Variants in DTNA observed in about 807,000 individuals in gnomAD.
DTNA encodes the protein dystrobrevin alpha, also known as dystrophin-related protein 3.
DTNA carries 43 observed loss-of-function variants against 100.7 expected under a neutral mutation model. The observed-to-expected ratio is 0.43, with a 90% CI of 0.33 to 0.55. The LOEUF (loss-of-function observed/expected upper bound fraction) is 0.55, where lower values mean the gene tolerates loss of function less well. DTNA is among the 20% of genes least tolerant of loss of function. The pLI is 0.04. For synonymous variants in DTNA, 349 were observed against 347.9 expected (o/e 1.00, Z -0.04); for missense variants, 798 against 953.9 (o/e 0.84, Z 2.15).
intron 9 of DTNA, among the ~76,000 whole-genome samples, chr18:34,827,098 A>G (rs1038603938): frequency 6.6e-6 from 1 of 152,166 alleles, no homozygotes; most frequent in Admixed American, 6.6e-5. Flanking sequence ...AAAGGCAAAT[A>G]AGGTATGATA....
Position 34,838,053 on chromosome 18 carries a change from C to T in DTNA, c.1176-41C>T, listed in dbSNP as rs183008891. On this transcript the variant is annotated intron_variant, in intron 11 of 22. Transcript: ENST00000444659. ...CAGTTTCTATTCTTGAATGCATTGC[C>T]GTGTTTACGCTCTTCTTGGCTTTCC... The T allele has an allele frequency of 1.1e-5, 17 of 1,586,980 alleles. No individual in the cohort carries two copies. The East Asian group carries it at 2.0e-4, about 19-fold the overall frequency.
In DTNA at chr18:34,666,898, G is replaced by A. The variant is rs946288364; in HGVS notation, c.-1-89078G>A. The stretch of plus-strand genomic sequence containing the variant: ...TCTTTTGGCTTAGGATTGACTTGGC[G>A]ATGCGGGCTCTTTTTTGGTTCCATA... On this transcript the variant is annotated intron_variant, in intron 1 of 19. Coordinates refer to the DTNA transcript ENST00000283365. Among the ~76,000 whole-genome samples the A allele has an allele frequency of 3.3e-5, 5 of 152,130 alleles. No individual in the cohort carries two copies. The East Asian group carries it at 7.7e-4, about 24-fold the overall frequency.
At chr18:34,647,443 C>T (rs1455822433) in intron 1 of DTNA, among the ~76,000 whole-genome samples, 1 of 152,138 alleles carries the variant, frequency 6.6e-6, no homozygotes, top group Non-Finnish European at 1.5e-5. Flanking sequence ...CAGGAGCAGG[C>T]GCCTAGAAGT....
At chr18:34,788,081 C>A (rs188913512) in intron 3 of DTNA, among the ~76,000 whole-genome samples, 5 of 152,248 alleles carry the variant, frequency 3.3e-5, no homozygotes, top group African/African-American at 4.8e-5. Context: ...GTAGCAGGTG[C>A]TCTATTAATG....
chr18:34,841,945 G>A (rs1180231663), intron 13 of DTNA, among the ~76,000 whole-genome samples: 4 of 152,180 alleles, frequency 2.6e-5, no homozygotes, highest in Non-Finnish European at 4.4e-5. Context: ...GGTTCTGTCA[G>A]ATAAGTCAAA....
intron 1 of DTNA, among the ~76,000 whole-genome samples, chr18:34,565,524 AGCCCCAGCAAG>A (rs1488894139): frequency 2.6e-5 from 4 of 152,210 alleles, no homozygotes; most frequent in Non-Finnish European, 5.9e-5. Flanking sequence ...CCAAAATCAA[AGCCCCAGCAAG>A]GCCACACCTT....
intron 1 of DTNA, among the ~76,000 whole-genome samples, chr18:34,631,485 T>C (rs1015713979): frequency 2.6e-5 from 4 of 152,156 alleles, no homozygotes; most frequent in African/African-American, 7.2e-5. Flanking sequence ...TCACTGTTGA[T>C]ATTTGAAAGA....
intron 3 of DTNA, 90 bp downstream of exon 3, chr18:34,766,131 A>G: frequency 1.5e-6 from 2 of 1,336,782 alleles, no homozygotes; most frequent in Non-Finnish European, 2.1e-6. Flanking sequence ...TTCTGTTACA[A>G]ATATTGCTAA....
intron 3 of DTNA, among the ~76,000 whole-genome samples, chr18:34,769,932 G>A (rs2093683189): frequency 6.6e-6 from 1 of 151,720 alleles, no homozygotes; most frequent in Admixed American, 6.6e-5. Context: ...TGTTGGTCAG[G>A]CTGGTCTCAA....
At chr18:34,533,594 T>A (rs188056275) in intron 1 of DTNA, among the ~76,000 whole-genome samples, 3 of 152,222 alleles carry the variant, frequency 2.0e-5, no homozygotes, top group Non-Finnish European at 2.9e-5. Context: ...AGTTGAAGTG[T>A]TGTAATTGAG....
intron 1 of DTNA, among the ~76,000 whole-genome samples, chr18:34,542,809 C>A (rs528849870): frequency 2.3e-4 from 35 of 152,192 alleles, no homozygotes; most frequent in African/African-American, 7.5e-4. Flanking sequence ...CAACCACCAC[C>A]ACAACTAATA....
At chr18:34,774,188 C>T (rs534505600) in intron 3 of DTNA, among the ~76,000 whole-genome samples, 54 of 152,242 alleles carry the variant, frequency 3.5e-4, no homozygotes, top group South Asian at 6.2e-4. Flanking sequence ...CTTCCCAACC[C>T]TATCTAACAG....
chr18:34,717,282 G>T (rs2084258546), intron 1 of DTNA, among the ~76,000 whole-genome samples: 1 of 152,218 alleles, frequency 6.6e-6, no homozygotes, highest in Non-Finnish European at 1.5e-5. Flanking sequence ...CGTGTGTCTA[G>T]TGCTATCTTA....
chr18:34,839,113 C>G (rs774098999), intron 13 of DTNA, among the ~76,000 whole-genome samples: 3 of 152,120 alleles, frequency 2.0e-5, no homozygotes, highest in Non-Finnish European at 4.4e-5. Context: ...TTCAGGACTC[C>G]GGGTCCCACC....
chr18:34,677,056 G>T (rs760935747), intron 1 of DTNA, among the ~76,000 whole-genome samples: 1 of 152,126 alleles, frequency 6.6e-6, no homozygotes, highest in Non-Finnish European at 1.5e-5. Context: ...TGCCATGCAG[G>T]ATAGAAGCCA....
At chr18:34,511,966 G>C (rs978771296) in intron 1 of DTNA, among the ~76,000 whole-genome samples, 2 of 151,912 alleles carry the variant, frequency 1.3e-5, no homozygotes, top group Admixed American at 6.6e-5. Context: ...CTGTTATTTG[G>C]GGGGATTTTT....
At position 34,832,812 on chromosome 18, in the gene DTNA, C is replaced by A. The variant is rs559956918; in HGVS notation, c.1175+3323C>A. On this transcript the variant is annotated intron_variant, in intron 11 of 22. Transcript: ENST00000444659. Reference sequence around the variant, plus strand: ...AATGTTTCAAGACATTACTTCTTGACAAAACAGATTTCTGGATTTTTTTAT... The same window carrying A: ...AATGTTTCAAGACATTACTTCTTGAAAAAACAGATTTCTGGATTTTTTTAT... Among the ~76,000 whole-genome samples, 12 of 152,208 alleles carry A rather than the reference C, an allele frequency of 7.9e-5. No individual in the cohort carries two copies. The South Asian group carries it at 2.5e-3, about 32-fold the overall frequency.
chr18:34,494,963 A>G (rs1047216560), intron 1 of DTNA, among the ~76,000 whole-genome samples: 1 of 152,036 alleles, frequency 6.6e-6, no homozygotes, highest in Non-Finnish European at 1.5e-5. Flanking sequence ...CCACGGTTCT[A>G]TATGGCTTAG....
intron 18 of DTNA, among the ~76,000 whole-genome samples, chr18:34,875,843 G>A (rs1281157502): frequency 6.6e-6 from 1 of 152,150 alleles, no homozygotes; most frequent in African/African-American, 2.4e-5. Flanking sequence ...CTGTTCTGAT[G>A]CCCCGAAGAG....
Sources: allele counts gnomAD v4.1 joint callset (sites outside exome capture counted in the v4.1 genomes callset), GRCh38; gene constraint gnomAD v4.1.1; transcripts MANE v1.5; gene names NCBI Gene and HGNC (gene_info 2026-07-23, HGNC 2026-07-21).